C14orf39: variants seen among roughly 807,000 people sequenced by gnomAD.
C14orf39 encodes protein SIX6OS1.
C14orf39 carries 66 observed loss-of-function variants against 85.6 expected under a neutral mutation model. That is an observed-to-expected ratio of 0.77 (90% CI 0.63 to 0.95). The LOEUF is 0.95. C14orf39 is among the 40% of genes least tolerant of loss of function. The pLI is 0.00. For missense variants in C14orf39, 735 were observed against 663.9 expected (o/e 1.11, Z -1.18); for synonymous variants, 242 against 214.0 (o/e 1.13, Z -1.14).
chr14:60,481,330 G>C (rs1172219344), intron 4 of C14orf39, among the ~76,000 whole-genome samples: 1 of 152,068 alleles, frequency 6.6e-6, no homozygotes, highest in East Asian at 1.9e-4. Flanking sequence ...ATTTCCTTAT[G>C]AAAAATTCTC....
intron 2 of C14orf39, chr14:60,495,607 G>A (rs1385748067): frequency 4.6e-6 from 1 of 218,640 alleles, no homozygotes; most frequent in African/African-American, 2.3e-5. Context: ...GCAAACAGCT[G>A]AAGGTTTGCC....
At chr14:60,477,625 G>A (rs536580201) in intron 5 of C14orf39, among the ~76,000 whole-genome samples, 20 of 152,078 alleles carry the variant, frequency 1.3e-4, no homozygotes, top group Non-Finnish European at 2.1e-4. Context: ...ACAGAAGTTT[G>A]ATATAAAATA....
In C14orf39 at chr14:60,484,769, T is replaced by G. The variant is rs1321767256; in HGVS notation, c.106+112A>C. ...TAGTTTATTTGTCGCTAGAGAGAACTGACACAAAAGTTATAACGCCAACAA... is the reference window on the plus strand; with the variant it reads ...TAGTTTATTTGTCGCTAGAGAGAACGGACACAAAAGTTATAACGCCAACAA... On this transcript the variant is annotated intron_variant, in intron 3 of 17. Coordinates refer to ENST00000321731, the MANE Select transcript of C14orf39 (RefSeq NM_174978.3). This position sits in a 1 kb window ranked among gnomAD's most constrained non-coding sequence, Gnocchi z 4.2. 2.7e-6 allele frequency: 2 copies of G among 727,462 alleles called. No individual in the cohort carries two copies. Among genetic ancestry groups the G allele is most frequent in the Non-Finnish European group, 4.6e-6 (2 of 435,732 alleles). 45.1% of individuals were successfully genotyped at this position (727,462 alleles called of 1,614,324 possible).
In C14orf39 at chr14:60,491,979, C is replaced by T. The variant is rs1474633415; in HGVS notation, c.-8-6893G>A. ...ACCAGGTACAACTACAGGTGCTTCC[C>T]TATTGATCATGTATTTACAAGCCAT... On this transcript the variant is annotated intron_variant, in intron 2 of 5. Transcript: ENST00000556799. The surrounding 1 kb of genome is among the most constrained non-coding windows in gnomAD (Gnocchi z 4.5). Among the ~76,000 whole-genome samples, 1 of 152,144 alleles carries T rather than the reference C, an allele frequency of 6.6e-6. No homozygotes were observed. Among genetic ancestry groups the T allele is most frequent in the Non-Finnish European group, 1.5e-5 (1 of 68,032 alleles).
intron 1 of C14orf39, chr14:60,508,883 A>C: frequency 7.0e-6 from 1 of 143,212 alleles, no homozygotes; most frequent in Non-Finnish European, 1.4e-5. Context: ...AAAGGGAGGG[A>C]GGGGTAGAGC....
chr14:60,473,526 A>T (rs1326431601), intron 5 of C14orf39, among the ~76,000 whole-genome samples: 1 of 152,120 alleles, frequency 6.6e-6, no homozygotes, highest in African/African-American at 2.4e-5. Flanking sequence ...CTAGGGTTTC[A>T]TGGTTTTAGG....
intron 1 of C14orf39, chr14:60,511,467 G>C: frequency 1.6e-6 from 1 of 627,296 alleles, no homozygotes; most frequent in Non-Finnish European, 2.8e-6. Context: ...CCAGCGGTGA[G>C]GCCTGACCCA....
chr14:60,461,271 G>C, intron 13 of C14orf39, 83 bp downstream of exon 13: 2 of 1,210,616 alleles, frequency 1.7e-6, no homozygotes, highest in Non-Finnish European at 2.4e-6. Context: ...GCAAATAATC[G>C]AAACAATTTA....
At chr14:60,442,215 T>C (rs2140020225) in intron 16 of C14orf39, 84 bp from the exon 17 acceptor site, 4 of 830,214 alleles carry the variant, frequency 4.8e-6, no homozygotes, top group Non-Finnish European at 5.8e-6. Flanking sequence ...TAAAGCTTAG[T>C]TCTTCTAACA....
At chr14:60,495,286 C>G in intron 2 of C14orf39, 1 of 220,424 alleles carries the variant, frequency 4.5e-6, no homozygotes. Context: ...GGTCTCTGAC[C>G]CTGGCTCATG....
chr14:60,437,075 T>C, intron 17 of C14orf39, 28 bp from the exon 18 acceptor site: 1 of 1,458,168 alleles, frequency 6.9e-7, no homozygotes. Flanking sequence ...TACAATATCA[T>C]GCTCTTCATA....
rs1406246108 is a variant in C14orf39 at position 60,436,879 on chromosome 14, G to A, written c.1730C>T (p.Ser577Phe). 1 of 1,611,584 alleles carries A rather than the reference G, an allele frequency of 6.2e-7. No homozygotes were observed. The highest frequency in any genetic ancestry group is 8.5e-7 in the Non-Finnish European group (1 of 1,178,396). The part of the protein sequence containing the change: ...PSSSLKGFSS[S>F]SQNTTQFTFF ...AGTAAACTGTGTTGTATTTTGTGAG[G>A]AAGATGAAAAACCTTTTAAAGAAGA... is the stretch of plus-strand genomic sequence containing the variant. Residue 577 changes from serine to phenylalanine, a missense_variant, in exon 18 of 18, where the codon TCC (serine) becomes TTC (phenylalanine). Transcript: ENST00000321731.
intron 5 of C14orf39, among the ~76,000 whole-genome samples, chr14:60,474,187 G>A (rs1260197547): frequency 2.6e-5 from 4 of 151,750 alleles, no homozygotes; most frequent in Admixed American, 1.3e-4. Context: ...GAGTTCACTC[G>A]TGATTTGGCT....
chr14:60,438,627 T>A (rs1890366811), intron 17 of C14orf39, among the ~76,000 whole-genome samples: 1 of 152,124 alleles, frequency 6.6e-6, no homozygotes, highest in African/African-American at 2.4e-5. Flanking sequence ...ATTTTATATC[T>A]ATTTATAAAT....
intron 16 of C14orf39, among the ~76,000 whole-genome samples, chr14:60,453,692 T>C (rs1266787647): frequency 6.6e-6 from 1 of 151,874 alleles, no homozygotes; most frequent in Non-Finnish European, 1.5e-5. Flanking sequence ...ATCTTATTTT[T>C]CAATATTTTC....
chr14:60,485,922 A>C (rs1389477852), intron 1 of C14orf39, 23 bp downstream of exon 1: 4 of 152,522 alleles, frequency 2.6e-5, no homozygotes, highest in African/African-American at 9.7e-5. Flanking sequence ...AAACCGCCAC[A>C]TGCAGCTCCC....
intron 1 of C14orf39, chr14:60,509,455 G>T: frequency 6.2e-7 from 1 of 1,600,122 alleles, no homozygotes; most frequent in Non-Finnish European, 8.5e-7. Context: ...GGGTATGTGA[G>T]ACCCTGGAAG....
At chr14:60,450,492 C>T (rs982736839) in intron 16 of C14orf39, among the ~76,000 whole-genome samples, 2 of 152,144 alleles carry the variant, frequency 1.3e-5, no homozygotes, top group African/African-American at 4.8e-5. Context: ...CCAGCTTAGC[C>T]ACAGTAGAGT....
chr14:60,481,473 AT>A (rs1892635494), intron 4 of C14orf39, among the ~76,000 whole-genome samples: 1 of 152,176 alleles, frequency 6.6e-6, no homozygotes, highest in East Asian at 1.9e-4. Context: ...CCTGAGCAAC[AT>A]AGTGAGACTC....
Sources: allele counts gnomAD v4.1 joint callset (sites outside exome capture counted in the v4.1 genomes callset), GRCh38; gene constraint gnomAD v4.1.1; non-coding constraint Gnocchi (gnomAD v3.1); transcripts MANE v1.5; gene names NCBI Gene and HGNC (gene_info 2026-07-23, HGNC 2026-07-21).